XIST: variants seen among roughly 807,000 people sequenced by gnomAD.
XIST encodes X inactive specific transcript (non-protein coding).
exon 1 of XIST, chrX:73,851,199 CA>C: frequency 3.6e-6 from 2 of 559,541 alleles, no homozygotes; most frequent in Non-Finnish European, 6.5e-6. Context: ...CACTAGGCGG[CA>C]AAACCCGCCA....
chrX:73,824,980 CCATTCATT>C (rs370948433), exon 6 of XIST: 11 of 517,672 alleles, frequency 2.1e-5, no homozygotes, highest in South Asian at 1.7e-4. Context: ...ATTCATTCAT[CCATTCATT>C]CATTCATAAA....
intron 3 of XIST, among the ~76,000 whole-genome samples, chrX:73,832,388 C>T (rs1380191423): frequency 9.0e-6 from 1 of 110,766 alleles, no homozygotes. Context: ...GAAGGAAAAA[C>T]AAGGTACAGA....
chrX:73,842,880 G>A, exon 1 of XIST: 2 of 558,387 alleles, frequency 3.6e-6, no homozygotes, highest in Non-Finnish European at 6.5e-6. Flanking sequence ...CTGAGATTGT[G>A]AGCAATAGTC....
exon 6 of XIST, chrX:73,823,864 A>G (rs1922187363): frequency 1.8e-6 from 1 of 555,987 alleles, no homozygotes; most frequent in African/African-American, 2.2e-5. Context: ...TTCTGTGAGC[A>G]CTCTATAATG....
exon 1 of XIST, chrX:73,852,422 C>A (rs781344580): frequency 1.8e-6 from 1 of 547,854 alleles, no homozygotes; most frequent in South Asian, 2.4e-5. Context: ...AAAAACTGAT[C>A]CACAAAAAAC....
At chrX:73,849,956 T>C in exon 1 of XIST, 1 of 556,464 alleles carries the variant, frequency 1.8e-6, no homozygotes, top group Non-Finnish European at 3.2e-6. Context: ...AACTGGATGC[T>C]AGGCAGGCAG....
chrX:73,849,438 A>G, exon 1 of XIST: 1 of 559,198 alleles, frequency 1.8e-6, no homozygotes, highest in Non-Finnish European at 3.2e-6. Flanking sequence ...TGGCCAACAC[A>G]GTACACAAGA....
exon 1 of XIST, chrX:73,850,854 G>A (rs1922918154): frequency 1.9e-6 from 1 of 530,897 alleles, no homozygotes. Flanking sequence ...ATCCAGCACT[G>A]CAAGAGGCAG....
At chrX:73,832,445 C>T (rs1922406263) in intron 3 of XIST, among the ~76,000 whole-genome samples, 1 of 111,782 alleles carries the variant, frequency 8.9e-6, no homozygotes, top group South Asian at 3.7e-4. Context: ...CGGGGCTCTC[C>T]TATTCCACTT....
At chrX:73,850,365 TAA>T in exon 1 of XIST, 1 of 535,864 alleles carries the variant, frequency 1.9e-6, no homozygotes, top group Non-Finnish European at 3.3e-6. Context: ...TAAATGTAAT[TAA>T]AGTGAATTCT....
At chrX:73,845,479 G>T (rs1238583608) in exon 1 of XIST, 2 of 554,517 alleles carry the variant, frequency 3.6e-6, no homozygotes, top group Non-Finnish European at 6.5e-6. Flanking sequence ...ATATGGAGTG[G>T]ACACTCCCTG....
chrX:73,833,211 A>G (rs1177272320), intron 3 of XIST: 1 of 554,418 alleles, frequency 1.8e-6, no homozygotes, highest in Admixed American at 2.2e-5. Context: ...AGACAGAAGC[A>G]CTACAACAAT....
chrX:73,826,898 G>T (rs748915048), exon 6 of XIST: 1 of 558,407 alleles, frequency 1.8e-6, no homozygotes, highest in South Asian at 2.2e-5. Flanking sequence ...CCTGTCCCAG[G>T]TCTTAAGACT....
At chrX:73,839,550 C>T (rs1417621634) in intron 1 of XIST, among the ~76,000 whole-genome samples, 4 of 110,976 alleles carry the variant, frequency 3.6e-5, no homozygotes, top group Admixed American at 9.7e-5. Flanking sequence ...GCATTTCTGC[C>T]CAAAACCATA....
exon 1 of XIST, chrX:73,845,150 G>A: frequency 1.8e-6 from 1 of 555,115 alleles, no homozygotes; most frequent in East Asian, 3.3e-5. Flanking sequence ...ACATACAATT[G>A]TGCACCTTGA....
At chrX:73,823,245 T>A (rs375269622) in exon 6 of XIST, 10 of 523,745 alleles carry the variant, frequency 1.9e-5, no homozygotes, top group East Asian at 6.8e-5. Context: ...AGGAAGTGAT[T>A]TGGGGGATTC....
chrX:73,827,243 T>C (rs773531981), exon 6 of XIST: 1 of 556,504 alleles, frequency 1.8e-6, no homozygotes, highest in African/African-American at 2.2e-5. Flanking sequence ...TAGCCGACGT[T>C]CTGCACCTAT....
rs189280530 is a variant in XIST at position 73,823,148 on chromosome X, G to A, written n.16753C>T. On this transcript the variant is annotated non_coding_transcript_exon_variant, in exon 6 of 6. Coordinates refer to ENST00000429829, the Ensembl canonical transcript of XIST. The stretch of plus-strand genomic sequence containing the variant: ...TTGTTACATCTTGAACCATTTAACT[G>A]TAATAAAAGCAGAATGTTTAGTTAA... 1.2e-4 allele frequency: 65 copies of A among 553,288 alleles called. 1 individual carries two copies. The highest frequency in any genetic ancestry group is 9.0e-4 in the African/African-American group (40 of 44,585). 45.6% of individuals were successfully genotyped at this position (553,288 alleles called of 1,213,427 possible). A position where few individuals can be genotyped will look rare whatever the true frequency, so the allele number is the denominator to read the frequency against.
chrX:73,824,332 A>G lies in XIST; in HGVS notation n.15569T>C, dbSNP rs1363098208. 4 of 522,237 alleles carry G rather than the reference A, an allele frequency of 7.7e-6. No individual in the cohort carries two copies. The African/African-American group carries it at 9.1e-5, about 12-fold the overall frequency. 43.0% of individuals were successfully genotyped at this position (522,237 alleles called of 1,213,427 possible). ...CCTACTTTATTTGCACAATATAATA[A>G]CTATCATACAATTTTATAAACCTAG... On this transcript the variant is annotated non_coding_transcript_exon_variant, in exon 6 of 6. Coordinates refer to ENST00000429829, the Ensembl canonical transcript of XIST.
Sources: allele counts gnomAD v4.1 joint callset (sites outside exome capture counted in the v4.1 genomes callset), GRCh38; gene constraint gnomAD v4.1.1; transcripts MANE v1.5; gene names NCBI Gene and HGNC (gene_info 2026-07-23, HGNC 2026-07-21).